The following PIGN variants were observed in gnomAD, a reference collection of about 807,000 sequenced individuals.
PIGN encodes the protein phosphatidylinositol glycan anchor biosynthesis class N, also known as GPI ethanolamine phosphate transferase 1.
In PIGN, 117 loss-of-function variants were observed where a neutral mutation model predicts 125.4. That is an observed-to-expected ratio of 0.93 (90% CI 0.80 to 1.09). The LOEUF is 1.09. Among genes scored for constraint, PIGN ranks in the 50% least tolerant of loss-of-function variants. PIGN has a pLI of 0.00. For missense variants in PIGN, 1,075 were observed against 1,094.9 expected (o/e 0.98, Z 0.26); for synonymous variants, 392 against 377.8 (o/e 1.04, Z -0.44).
At chr18:62,049,376 CTTT>C (rs1196302172) in intron 30 of PIGN, among the ~76,000 whole-genome samples, 1 of 149,412 alleles carries the variant, frequency 6.7e-6, no homozygotes, top group Non-Finnish European at 1.5e-5. Flanking sequence ...TGTTTCCTGA[CTTT>C]TTAATGATTG....
At chr18:62,135,210 A>C (rs2035880271) in intron 14 of PIGN, among the ~76,000 whole-genome samples, 1 of 152,124 alleles carries the variant, frequency 6.6e-6, no homozygotes, top group South Asian at 2.1e-4. Flanking sequence ...TGGATGCAAT[A>C]GTTTCTTAAA....
Position 62,186,994 on chromosome 18 carries a change from AC to A in PIGN, c.-387del. On this transcript the variant is annotated 5_prime_UTR_variant, in exon 1 of 31. Coordinates refer to ENST00000640252, the MANE Select transcript of PIGN (RefSeq NM_176787.5). ...GTATTCCTAAGCCACCACTACAACC[AC>A]CCCTCAATTCCGGAACGCCCCCAAT... The A allele has an allele frequency of 6.6e-6, 1 of 151,136 alleles. No individual in the cohort carries two copies. Among genetic ancestry groups the A allele is most frequent in the Non-Finnish European group, 1.5e-5 (1 of 67,962 alleles). 9.4% of individuals were successfully genotyped at this position (151,136 alleles called of 1,614,324 possible).
rs148402610 is a variant in PIGN at position 62,140,499 on chromosome 18, A to G, written c.964-20T>C. ...ATCAGCCTACAAATAAAAAAGCTCA[A>G]TTCTAAGAAGTCTATGGACATCAAC... On this transcript the variant is annotated intron_variant, in intron 11 of 30. Transcript: ENST00000640252. 919 of 1,403,178 alleles carry G rather than the reference A, an allele frequency of 6.5e-4. 3 individuals carry two copies. The African/African-American group carries it at 0.012, about 18-fold the overall frequency. 86.9% of individuals were successfully genotyped at this position (1,403,178 alleles called of 1,614,324 possible). A position where few individuals can be genotyped will look rare whatever the true frequency, so the allele number is the denominator to read the frequency against.
intron 14 of PIGN, among the ~76,000 whole-genome samples, chr18:62,120,408 C>T (rs2035258381): frequency 6.6e-6 from 1 of 152,054 alleles, no homozygotes; most frequent in African/African-American, 2.4e-5. Flanking sequence ...AAATGTCTTT[C>T]ACTGGCAAAT....
rs146680765 is a variant in PIGN at position 62,134,212 on chromosome 18, G to A, written c.1172+4031C>T. On this transcript the variant is annotated intron_variant, in intron 14 of 30. Coordinates refer to ENST00000640252, the MANE Select transcript of PIGN (RefSeq NM_176787.5). The stretch of plus-strand genomic sequence containing the variant: ...GTTCGAGACCAGCCTAGCCAACATG[G>A]TGAAACCCCATCTCTACTAAAAACA... Among the ~76,000 whole-genome samples, 1,458 of 152,160 alleles carry A rather than the reference G, an allele frequency of 9.6e-3. 44 individuals are homozygous for A. The highest frequency in any genetic ancestry group is 0.068 in the East Asian group (352 of 5,166).
chr18:62,108,169 T>C (rs1368020630), intron 17 of PIGN, among the ~76,000 whole-genome samples: 1 of 152,188 alleles, frequency 6.6e-6, no homozygotes, highest in Non-Finnish European at 1.5e-5. Context: ...CTTTTATTCT[T>C]AACAATGAAT....
At chr18:62,056,478 C>CG (rs2031734669) in intron 30 of PIGN, among the ~76,000 whole-genome samples, 1 of 151,338 alleles carries the variant, frequency 6.6e-6, no homozygotes, top group Non-Finnish European at 1.5e-5. Flanking sequence ...CCTCAAAGTC[C>CG]TGTCACCTTC....
At chr18:62,109,092 T>A (rs1252251843) in intron 17 of PIGN, among the ~76,000 whole-genome samples, 1 of 152,176 alleles carries the variant, frequency 6.6e-6, no homozygotes, top group Non-Finnish European at 1.5e-5. Flanking sequence ...TTGATATCCA[T>A]GACTAAGTTT....
At chr18:62,028,791 G>A (rs2030158154) in intron 23 of PIGN, among the ~76,000 whole-genome samples, 1 of 152,192 alleles carries the variant, frequency 6.6e-6, no homozygotes, top group African/African-American at 2.4e-5. Flanking sequence ...AAGGTTTTGG[G>A]TTTGCTTCCC....
chr18:62,086,039 G>C (rs2033682138), intron 25 of PIGN, among the ~76,000 whole-genome samples: 1 of 152,198 alleles, frequency 6.6e-6, no homozygotes, highest in Non-Finnish European at 1.5e-5. Context: ...CATGCATTCA[G>C]TGATTCAACG....
chr18:62,160,987 A>G (rs2036931362), intron 4 of PIGN, 146 bp downstream of exon 4: 3 of 564,090 alleles, frequency 5.3e-6, no homozygotes, highest in Non-Finnish European at 9.4e-6. Context: ...CTGACCCATA[A>G]GACAAAGGCA....
rs17642243 is a variant in PIGN at position 62,114,858 on chromosome 18, A to G, written c.1173-219T>C. Among the ~76,000 whole-genome samples, 25,721 of 152,246 alleles carry G rather than the reference A, an allele frequency of 0.17. 2,930 individuals are homozygous for G. The highest frequency in any genetic ancestry group is 0.28 in the Middle Eastern group (83 of 294). ...TTCTTGACTCGAAGTTTCAAATGCC[A>G]AACTACACTTATGAAAGTCATATAA... On this transcript the variant is annotated intron_variant, in intron 14 of 30. Coordinates refer to ENST00000640252, the MANE Select transcript of PIGN (RefSeq NM_176787.5).
At chr18:62,119,584 C>A (rs549207690) in intron 14 of PIGN, among the ~76,000 whole-genome samples, 1 of 152,164 alleles carries the variant, frequency 6.6e-6, no homozygotes, top group South Asian at 2.1e-4. Flanking sequence ...TGGCTCACGC[C>A]TGTAATCCCA....
intron 28 of PIGN, among the ~76,000 whole-genome samples, chr18:62,080,352 C>T (rs1174968237): frequency 6.6e-6 from 1 of 152,222 alleles, no homozygotes; most frequent in African/African-American, 2.4e-5. Context: ...CAAAGGTCTT[C>T]ATGGTCCATG....
intron 9 of PIGN, among the ~76,000 whole-genome samples, chr18:62,146,612 C>T (rs1048883043): frequency 2.0e-5 from 3 of 152,210 alleles, no homozygotes; most frequent in African/African-American, 7.2e-5. Context: ...GGCGCACAGG[C>T]TTACCCGGGA....
chr18:62,180,751 G>A (rs1336527828), intron 1 of PIGN, among the ~76,000 whole-genome samples: 1 of 152,042 alleles, frequency 6.6e-6, no homozygotes, highest in Non-Finnish European at 1.5e-5. Context: ...TATAGTGTGT[G>A]TATGTTTATA....
chr18:62,084,398 G>C (rs1425428852), intron 27 of PIGN, 133 bp downstream of exon 27: 1 of 582,138 alleles, frequency 1.7e-6, no homozygotes, highest in South Asian at 2.3e-5. Flanking sequence ...GGGATAGAGG[G>C]TCTCACCTCC....
chr18:62,106,785 A>T lies in PIGN; in HGVS notation c.1767+4T>A, dbSNP rs1817363210. 1 of 1,593,582 alleles carries T rather than the reference A, an allele frequency of 6.3e-7. No individual in the cohort carries two copies. Among genetic ancestry groups the T allele is most frequent in the East Asian group, 2.3e-5 (1 of 44,320 alleles). On this transcript the variant is annotated splice_donor_region_variant and intron_variant, in intron 19 of 30. Coordinates refer to ENST00000640252, the MANE Select transcript of PIGN (RefSeq NM_176787.5). ...CTGTCCTATGTCAAAATGAGTACTC[A>T]TACCTTTGCTCGAGTCCACAGCCGA...
At chr18:62,124,378 C>T (rs1028678894) in intron 14 of PIGN, among the ~76,000 whole-genome samples, 2 of 152,066 alleles carry the variant, frequency 1.3e-5, no homozygotes, top group African/African-American at 4.8e-5. Flanking sequence ...AATTACATAT[C>T]ATTTGAGGCA....
Sources: allele counts gnomAD v4.1 joint callset (sites outside exome capture counted in the v4.1 genomes callset), GRCh38; gene constraint gnomAD v4.1.1; transcripts MANE v1.5; gene names NCBI Gene and HGNC (gene_info 2026-07-23, HGNC 2026-07-21).